ANO4: variants seen among roughly 807,000 people sequenced by gnomAD.
ANO4 encodes the protein anoctamin 4, also known as anoctamin-4.
ANO4 carries 69 observed loss-of-function variants against 141.9 expected under a neutral mutation model. That is an observed-to-expected ratio of 0.49 (90% CI 0.40 to 0.59). The LOEUF is 0.59. Ranked by LOEUF, ANO4 falls within the 20% of genes least tolerant of loss-of-function variation. ANO4 has a pLI of 0.00. For missense variants in ANO4, 894 were observed against 1,162.2 expected (o/e 0.77, Z 3.36); for synonymous variants, 350 against 394.3 (o/e 0.89, Z 1.33).
intron 9 of ANO4, among the ~76,000 whole-genome samples, chr12:101,024,611 TATC>T (rs2046659879): frequency 6.6e-6 from 1 of 151,542 alleles, no homozygotes; most frequent in Non-Finnish European, 1.5e-5. Context: ...AAAAAAAAGT[TATC>T]ATGTGAGTCT....
intron 1 of ANO4, among the ~76,000 whole-genome samples, chr12:100,889,984 A>G (rs1349800804): frequency 6.6e-6 from 1 of 152,166 alleles, no homozygotes; most frequent in Non-Finnish European, 1.5e-5. Flanking sequence ...TCAGTGGACC[A>G]TAATATATTT....
chr12:100,992,212 A>G (rs2045157770), intron 8 of ANO4, among the ~76,000 whole-genome samples: 1 of 152,196 alleles, frequency 6.6e-6, no homozygotes, highest in African/African-American at 2.4e-5. Flanking sequence ...TGTGCATCTA[A>G]TCATGTCACT....
chr12:101,107,670 G>A (rs1034522566), intron 22 of ANO4, among the ~76,000 whole-genome samples: 2 of 152,144 alleles, frequency 1.3e-5, no homozygotes, highest in Non-Finnish European at 2.9e-5. Flanking sequence ...AGTTTGCTTG[G>A]AGTCAATTTA....
chr12:100,843,485 C>T (rs772908125), intron 1 of ANO4, among the ~76,000 whole-genome samples: 25 of 152,170 alleles, frequency 1.6e-4, no homozygotes, highest in Non-Finnish European at 3.1e-4. Flanking sequence ...TCCTCAACTT[C>T]TCGCCCCAAA....
chr12:100,764,141 T>G (rs763366143), intron 3 of ANO4, among the ~76,000 whole-genome samples: 12 of 152,228 alleles, frequency 7.9e-5, no homozygotes, highest in Non-Finnish European at 1.5e-4. Flanking sequence ...GCTATTGTCA[T>G]TTTTAAATGC....
At chr12:101,014,328 T>C (rs962831552) in intron 8 of ANO4, among the ~76,000 whole-genome samples, 1 of 152,140 alleles carries the variant, frequency 6.6e-6, no homozygotes, top group Non-Finnish European at 1.5e-5. Context: ...ATTTCTCCCT[T>C]CCTAGCAAAA....
At chr12:101,040,141 G>A in intron 11 of ANO4, 65 bp downstream of exon 11, 1 of 1,505,328 alleles carries the variant, frequency 6.6e-7, no homozygotes, top group South Asian at 1.4e-5. Context: ...CTGTCAGCTG[G>A]GACAAGCTCC....
At chr12:100,776,566 T>C (rs1323237655) in intron 3 of ANO4, among the ~76,000 whole-genome samples, 1 of 152,174 alleles carries the variant, frequency 6.6e-6, no homozygotes, top group Non-Finnish European at 1.5e-5. Context: ...TTGTGGACCA[T>C]TGTTTGAGCA....
intron 8 of ANO4, among the ~76,000 whole-genome samples, chr12:101,015,314 A>G (rs1178550218): frequency 6.6e-6 from 1 of 152,128 alleles, no homozygotes. Flanking sequence ...GCCTATCAAC[A>G]TATTCATATG....
chr12:100,966,902 C>CAT (rs2043693081), intron 5 of ANO4, among the ~76,000 whole-genome samples: 1 of 150,214 alleles, frequency 6.7e-6, no homozygotes, highest in East Asian at 2.0e-4. Context: ...CACACACACA[C>CAT]ACATACATAT....
At chr12:100,886,595 T>C (rs1027675710) in intron 1 of ANO4, among the ~76,000 whole-genome samples, 1 of 152,128 alleles carries the variant, frequency 6.6e-6, no homozygotes, top group African/African-American at 2.4e-5. Flanking sequence ...CCTTCCCTGG[T>C]AGCCTTTCCC....
chr12:100,941,748 G>T (rs909366600), intron 4 of ANO4, among the ~76,000 whole-genome samples: 4 of 140,062 alleles, frequency 2.9e-5, no homozygotes, highest in Non-Finnish European at 5.9e-5. Context: ...TAATGTTAAT[G>T]TGTTTTCCAG....
intron 7 of ANO4, among the ~76,000 whole-genome samples, chr12:100,978,601 G>C (rs1300820228): frequency 6.6e-6 from 1 of 152,128 alleles, no homozygotes; most frequent in African/African-American, 2.4e-5. Context: ...TATCTCTTTA[G>C]TTTTCACTCT....
At chr12:100,734,849 A>G (rs2031538409) in intron 2 of ANO4, among the ~76,000 whole-genome samples, 1 of 152,252 alleles carries the variant, frequency 6.6e-6, no homozygotes, top group South Asian at 2.1e-4. Flanking sequence ...ATATATAGAC[A>G]CCTTGCATTC....
intron 14 of ANO4, chr12:101,068,171 T>G (rs1446846750): frequency 9.6e-7 from 1 of 1,045,296 alleles, no homozygotes. Flanking sequence ...GACTTTTAAA[T>G]AGCCCCATAG....
upstream of ANO4, among the ~76,000 whole-genome samples, chr12:100,790,021 G>A (rs922638294): frequency 6.6e-6 from 1 of 152,206 alleles, no homozygotes; most frequent in Admixed American, 6.5e-5. Context: ...TGGCCTCACC[G>A]TGAAGATGGC....
At chr12:100,811,905 C>A (rs2135706898) in intron 1 of ANO4, among the ~76,000 whole-genome samples, 1 of 152,298 alleles carries the variant, frequency 6.6e-6, no homozygotes, top group South Asian at 2.1e-4. Flanking sequence ...CTCTTGCCCC[C>A]ATAGTTAGCA....
chr12:101,066,950 G>C, intron 14 of ANO4: 1 of 655,690 alleles, frequency 1.5e-6, no homozygotes, highest in Non-Finnish European at 2.9e-6. Context: ...TGAGGACTTT[G>C]TGTGACTACA....
upstream of ANO4, among the ~76,000 whole-genome samples, chr12:100,792,614 C>T (rs2034083792): frequency 6.6e-6 from 1 of 152,010 alleles, no homozygotes; most frequent in Admixed American, 6.6e-5. Flanking sequence ...AAATTAATGG[C>T]GTTTGAGTTA....
Sources: allele counts gnomAD v4.1 joint callset (sites outside exome capture counted in the v4.1 genomes callset), GRCh38; gene constraint gnomAD v4.1.1; transcripts MANE v1.5; gene names NCBI Gene and HGNC (gene_info 2026-07-23, HGNC 2026-07-21).